ATP11A: variants seen among roughly 807,000 people sequenced by gnomAD.
The protein encoded by ATP11A is phospholipid-transporting ATPase IH.
In ATP11A, 81 loss-of-function variants were observed where a neutral mutation model predicts 154.4. The ratio of observed to expected loss-of-function variants is 0.52; its 90% confidence interval spans 0.44 to 0.63. ATP11A has a LOEUF of 0.63. ATP11A is among the 30% of genes least tolerant of loss of function. ATP11A has a pLI of 0.00. For missense variants in ATP11A, 1,316 were observed against 1,474.3 expected (o/e 0.89, Z 1.76); for synonymous variants, 623 against 585.9 (o/e 1.06, Z -0.91).
At chr13:112,862,331 A>G (rs1594208010) in intron 24 of ATP11A, 109 bp from the exon 25 acceptor site, 1 of 1,349,736 alleles carries the variant, frequency 7.4e-7, no homozygotes, top group Non-Finnish European at 1.0e-6. Flanking sequence ...CTGGCCGTGC[A>G]CATCTTATCC....
chr13:112,820,744 A>G (rs1009938511), intron 8 of ATP11A, among the ~76,000 whole-genome samples: 1 of 152,234 alleles, frequency 6.6e-6, no homozygotes, highest in African/African-American at 2.4e-5. Flanking sequence ...TTAAAGTTGC[A>G]TCTTCTTCAT....
intron 17 of ATP11A, among the ~76,000 whole-genome samples, chr13:112,844,732 T>G (rs1160539373): frequency 8.4e-6 from 1 of 118,546 alleles, no homozygotes; most frequent in East Asian, 2.4e-4. Flanking sequence ...CTAGTCCAAG[T>G]ACCTCTAGCG....
At chr13:112,743,871 T>C (rs1025126686) in intron 1 of ATP11A, among the ~76,000 whole-genome samples, 1 of 152,200 alleles carries the variant, frequency 6.6e-6, no homozygotes, top group African/African-American at 2.4e-5. Flanking sequence ...CATTTTGAAT[T>C]TGGGGAGTTT....
chr13:112,865,940 T>C (rs185890151), intron 25 of ATP11A, among the ~76,000 whole-genome samples: 11 of 152,342 alleles, frequency 7.2e-5, no homozygotes, highest in East Asian at 1.9e-4. Flanking sequence ...ATTTAGACAT[T>C]GCATTTTTGA....
chr13:112,777,604 C>A (rs1186135727), intron 1 of ATP11A, among the ~76,000 whole-genome samples: 1 of 152,176 alleles, frequency 6.6e-6, no homozygotes, highest in Non-Finnish European at 1.5e-5. Context: ...AGGGAAGGAG[C>A]CACAGAGGCT....
At chr13:112,810,591 C>G in intron 4 of ATP11A, 28 bp from the exon 5 acceptor site, 25 of 1,561,382 alleles carry the variant, frequency 1.6e-5, no homozygotes, top group Non-Finnish European at 1.9e-5. Context: ...CCTGCTTCCT[C>G]TCTCCCTTCT....
intron 8 of ATP11A, among the ~76,000 whole-genome samples, chr13:112,822,911 G>T (rs986792523): frequency 1.3e-5 from 2 of 152,170 alleles, no homozygotes; most frequent in African/African-American, 4.8e-5. Context: ...AGGGTTTCAG[G>T]TTCTGACTCG....
At chr13:112,771,632 C>A (rs907499780) in intron 1 of ATP11A, among the ~76,000 whole-genome samples, 22 of 152,222 alleles carry the variant, frequency 1.4e-4, no homozygotes, top group African/African-American at 4.3e-4. Context: ...GGTCCACATG[C>A]ACTTGTGTCT....
intron 12 of ATP11A, among the ~76,000 whole-genome samples, chr13:112,829,844 G>T (rs2079040678): frequency 6.6e-6 from 1 of 152,240 alleles, no homozygotes; most frequent in African/African-American, 2.4e-5. Flanking sequence ...CACTAAATTT[G>T]CAGGATACAA....
chr13:112,735,429 C>T (rs534784268), intron 1 of ATP11A, among the ~76,000 whole-genome samples: 3 of 152,254 alleles, frequency 2.0e-5, no homozygotes, highest in African/African-American at 4.8e-5. Flanking sequence ...AACCCACAGC[C>T]GTGATTTCTA....
At chr13:112,761,153 G>A (rs1196309230) in intron 1 of ATP11A, among the ~76,000 whole-genome samples, 2 of 152,100 alleles carry the variant, frequency 1.3e-5, no homozygotes, top group Non-Finnish European at 2.9e-5. Context: ...CAGATCCGTG[G>A]TCCAGGGGTC....
At chr13:112,763,097 ATCT>A (rs1469697049) in intron 1 of ATP11A, among the ~76,000 whole-genome samples, 2 of 152,342 alleles carry the variant, frequency 1.3e-5, no homozygotes, top group South Asian at 2.1e-4. Flanking sequence ...GAGTATAAAG[ATCT>A]TCTTCCTTCG....
At chr13:112,756,550 C>T (rs1464520172) in intron 1 of ATP11A, among the ~76,000 whole-genome samples, 3 of 152,190 alleles carry the variant, frequency 2.0e-5, no homozygotes, top group African/African-American at 4.8e-5. Flanking sequence ...CAGGGTCTAG[C>T]GGATGGCGGG....
Position 112,798,611 on chromosome 13 carries a change from G to A in ATP11A, c.163-6346G>A, listed in dbSNP as rs553315717. Reference sequence around the variant, plus strand: ...CACACACAGTGCGGGTTATGTGAGAGTGGGCGTATATTGTGGCCTCTAGTG... The same window carrying A: ...CACACACAGTGCGGGTTATGTGAGAATGGGCGTATATTGTGGCCTCTAGTG... On this transcript the variant is annotated intron_variant, in intron 2 of 29. Coordinates refer to ENST00000375645, the MANE Select transcript of ATP11A (RefSeq NM_015205.3). Among the ~76,000 whole-genome samples the A allele has an allele frequency of 8.5e-5, 13 of 152,356 alleles. No individual in the cohort carries two copies. The South Asian group carries it at 1.7e-3, about 19-fold the overall frequency.
In ATP11A at chr13:112,882,632, A is replaced by G. The variant is rs572922997; in HGVS notation, c.*766A>G. ...GGGCTGGCTGAGTTTCGGTCTCCCC[A>G]TCACCGGCCGCCTCGTGGAGAAGGC... is the stretch of plus-strand genomic sequence containing the variant. On this transcript the variant is annotated 3_prime_UTR_variant, in exon 30 of 30. Transcript: ENST00000375645. This position sits in a 1 kb window ranked among gnomAD's most constrained non-coding sequence, Gnocchi z 5.1. 1.2e-5 allele frequency: 5 copies of G among 401,010 alleles called. No homozygotes were observed. The South Asian group carries it at 4.1e-4, about 33-fold the overall frequency. The allele number at this position is 401,010 out of a possible 1,614,324, so 24.8% of individuals were successfully genotyped here. A position where few individuals can be genotyped will look rare whatever the true frequency, so the allele number is the denominator to read the frequency against.
intron 1 of ATP11A, among the ~76,000 whole-genome samples, chr13:112,752,870 G>T (rs1484276589): frequency 6.6e-6 from 1 of 152,196 alleles, no homozygotes; most frequent in Non-Finnish European, 1.5e-5. Context: ...GCACCCACCT[G>T]GGAGTGGCTT....
intron 10 of ATP11A, 84 bp downstream of exon 10, chr13:112,824,509 A>G (rs775801320): frequency 8.6e-6 from 11 of 1,275,480 alleles, no homozygotes; most frequent in Non-Finnish European, 1.1e-5. Flanking sequence ...TCTTGGCCTT[A>G]TTGGCAGTTC....
In ATP11A at chr13:112,882,162, C is replaced by G; in HGVS notation, c.*296C>G. 4 of 1,287,770 alleles carry G rather than the reference C, an allele frequency of 3.1e-6. No homozygotes were observed. Among genetic ancestry groups the G allele is most frequent in the Non-Finnish European group, 4.1e-6 (4 of 980,226 alleles). 79.8% of individuals were successfully genotyped at this position (1,287,770 alleles called of 1,614,324 possible). On this transcript the variant is annotated 3_prime_UTR_variant, in exon 30 of 30. Transcript: ENST00000375645. The surrounding 1 kb of genome is among the most constrained non-coding windows in gnomAD (Gnocchi z 5.1). Reference sequence around the variant, plus strand: ...CAGGCCTTGCCCTCGAGCATGGCACCCTGGCCGCCTGGACCCAGCACTGTG... The same window carrying G: ...CAGGCCTTGCCCTCGAGCATGGCACGCTGGCCGCCTGGACCCAGCACTGTG...
In ATP11A at chr13:112,697,194, T is replaced by G. The variant is rs936415498; in HGVS notation, c.39+6739T>G. 2.0e-5 allele frequency among the ~76,000 whole-genome samples: 3 copies of G among 152,072 alleles called. No homozygotes were observed. Among genetic ancestry groups the G allele is most frequent in the Non-Finnish European group, 4.4e-5 (3 of 67,982 alleles). On this transcript the variant is annotated intron_variant, in intron 1 of 29. Coordinates refer to ENST00000375645, the MANE Select transcript of ATP11A (RefSeq NM_015205.3). This position sits in a 1 kb window ranked among gnomAD's most constrained non-coding sequence, Gnocchi z 4.0. ...GCGGGCTGGCCGCCCCTCGGTGGGCTCCGGTGCTGGCCTCTGCCTTCCCCA... is the reference window on the plus strand; with the variant it reads ...GCGGGCTGGCCGCCCCTCGGTGGGCGCCGGTGCTGGCCTCTGCCTTCCCCA...
Sources: gnomAD v4.1 joint callset for allele counts (sites outside exome capture counted in the v4.1 genomes callset) on GRCh38, gnomAD v4.1.1 for gene constraint, Gnocchi (gnomAD v3.1) non-coding constraint, MANE v1.5 for transcripts, NCBI Gene and HGNC (gene_info 2026-07-23, HGNC 2026-07-21) for gene names.